BAZ1A: variants seen among roughly 807,000 people sequenced by gnomAD.
BAZ1A encodes the protein bromodomain adjacent to zinc finger domain protein 1A.
In BAZ1A, 50 loss-of-function variants were observed where a neutral mutation model predicts 185.2. The ratio of observed to expected loss-of-function variants is 0.27; its 90% CI spans 0.22 to 0.34. The LOEUF is 0.34. Ranked by LOEUF, BAZ1A falls within the 10% of genes least tolerant of loss-of-function variation. BAZ1A has a pLI of 1.00. For missense variants in BAZ1A, 1,356 were observed against 1,839.9 expected (o/e 0.74, Z 4.81); for synonymous variants, 571 against 615.6 (o/e 0.93, Z 1.07).
chr14:34,761,939 G>A lies in BAZ1A; in HGVS notation c.4061C>T (p.Pro1354Leu), dbSNP rs1355129974. 4 of 1,614,172 alleles carry A rather than the reference G, an allele frequency of 2.5e-6. No homozygotes were observed. Among genetic ancestry groups the A allele is most frequent in the Non-Finnish European group, 3.4e-6 (4 of 1,180,046 alleles). Residue 1354 changes from proline to leucine, a missense_variant, in exon 24 of 27, where the codon CCT becomes CTT. Around this residue, in one of 7 missense-constraint regions of BAZ1A, gnomAD observed 309 missense variants for 355.3 expected, o/e 0.87. Transcript: ENST00000360310. The stretch of plus-strand genomic sequence containing the variant: ...TTTCCTGCCTCTGCGTTTTCTACGA[G>A]GACTAAGCAATTCCACAAATACATC... Reference protein sequence around the residue: ...QADVFVELLSPRRKRRGRKSA... With the variant: ...QADVFVELLSLRRKRRGRKSA...
intron 17 of BAZ1A, among the ~76,000 whole-genome samples, chr14:34,777,651 A>AG (rs373776125): frequency 1.4e-4 from 21 of 151,546 alleles, no homozygotes; most frequent in African/African-American, 4.6e-4. Flanking sequence ...CTCCAAAAAA[A>AG]AAAAAAAAGG....
chr14:34,758,522 G>A, intron 25 of BAZ1A, 182 bp downstream of exon 25: 1 of 514,962 alleles, frequency 1.9e-6, no homozygotes, highest in South Asian at 2.6e-5. Flanking sequence ...AGAGCTTGCA[G>A]TGAGCCGAGA....
chr14:34,782,717 G>A (rs1050624013), intron 16 of BAZ1A, among the ~76,000 whole-genome samples: 2 of 151,990 alleles, frequency 1.3e-5, no homozygotes, highest in African/African-American at 4.8e-5. Flanking sequence ...CATTAAAAAG[G>A]AAAAAAGATG....
chr14:34,842,017 A>G (rs911766843), intron 3 of BAZ1A, among the ~76,000 whole-genome samples: 1 of 152,120 alleles, frequency 6.6e-6, no homozygotes, highest in Non-Finnish European at 1.5e-5. Context: ...AGCACCAATA[A>G]ATATCTAAAA....
At chr14:34,802,668 C>T (rs2275147) in intron 7 of BAZ1A, among the ~76,000 whole-genome samples, 186 bp downstream of exon 7, 15,471 of 152,206 alleles carry the variant, frequency 0.1, 847 homozygotes, top group South Asian at 0.2. Flanking sequence ...TAATTCACAC[C>T]TGAAACTTCT....
At chr14:34,785,582 G>T (rs866152676) in intron 14 of BAZ1A, among the ~76,000 whole-genome samples, 195 bp downstream of exon 14, 3 of 152,052 alleles carry the variant, frequency 2.0e-5, no homozygotes, top group African/African-American at 7.2e-5. Context: ...CTAATCATAC[G>T]TTTAAAAATA....
In BAZ1A at chr14:34,868,898, ATGTG is replaced by A. The variant is rs3062620; in HGVS notation, c.113+5590_113+5593del. 3.2e-3 allele frequency among the ~76,000 whole-genome samples: 306 copies of A among 96,064 alleles called. 1 individual carries two copies. The highest frequency in any genetic ancestry group is 5.7e-3 in the Middle Eastern group (1 of 176). 63.0% of individuals were successfully genotyped at this position (96,064 alleles called of 152,430 possible). ...ATTCTCTCTATGTATGTAAGTATGT[ATGTG>A]TGTGTGTGTGTGTGTGTGTGTGTGT... On this transcript the variant is annotated intron_variant, in intron 2 of 26. Transcript: ENST00000360310.
chr14:34,762,185 A>G lies in BAZ1A; in HGVS notation c.3815T>C (p.Val1272Ala). 9 of 1,614,156 alleles carry G rather than the reference A, an allele frequency of 5.6e-6. No homozygotes were observed. Among genetic ancestry groups the G allele is most frequent in the Non-Finnish European group, 7.6e-6 (9 of 1,180,008 alleles). Residue 1272 changes from valine (V) to alanine (A), a missense_variant, in exon 24 of 27, where the codon GTT becomes GCT. Around this residue, in one of 7 missense-constraint regions of BAZ1A, gnomAD observed 309 missense variants for 355.3 expected, o/e 0.87. Coordinates refer to ENST00000360310, the MANE Select transcript of BAZ1A (RefSeq NM_013448.3). ...KRGRPQVRLP[V>A]KTRGKLSSSF... The stretch of plus-strand genomic sequence containing the variant: ...AGAGCTAAGTTTCCCTCTTGTTTTA[A>G]CTGGCAATCTAACTTGTGGTCTTCC...
intron 3 of BAZ1A, 145 bp downstream of exon 3, chr14:34,861,899 G>T: frequency 1.1e-6 from 1 of 900,972 alleles, no homozygotes. Flanking sequence ...ACAAGAAACA[G>T]CTAACACCGG....
At chr14:34,871,553 G>A (rs1454358379) in intron 2 of BAZ1A, among the ~76,000 whole-genome samples, 1 of 152,226 alleles carries the variant, frequency 6.6e-6, no homozygotes, top group African/African-American at 2.4e-5. Flanking sequence ...CTGTCTCAAA[G>A]AGTTCAGGTT....
intron 6 of BAZ1A, among the ~76,000 whole-genome samples, chr14:34,807,234 T>C (rs1881899643): frequency 6.6e-6 from 1 of 151,724 alleles, no homozygotes; most frequent in South Asian, 2.1e-4. Flanking sequence ...TTGTTGATCT[T>C]TTTTGTAAGT....
chr14:34,783,120 C>T lies in BAZ1A; in HGVS notation c.2110G>A (p.Gly704Arg). ...QRNSTADISI[G>R]EEEREDFDTS... ...TGAACAGTGTGATTCAAACCATACC[C>T]AATAGATATATCTGCCGTTGAATTT... Residue 704 changes from glycine (G) to arginine (R), a missense_variant and splice_region_variant, in exon 16 of 27, where the codon GGG (glycine) becomes AGG (arginine). By Grantham distance (125) the Gly-to-Arg change is moderately radical. Around this residue, in one of 7 missense-constraint regions of BAZ1A, gnomAD observed 434 missense variants for 561.7 expected, o/e 0.77. Transcript: ENST00000360310. The T allele has an allele frequency of 6.3e-7, 1 of 1,585,702 alleles. No individual in the cohort carries two copies. Among genetic ancestry groups the T allele is most frequent in the Non-Finnish European group, 8.7e-7 (1 of 1,155,648 alleles).
rs764052994 is a variant in BAZ1A at position 34,761,884 on chromosome 14, G to A, written c.4116C>T (p.Pro1372=). ...KSANNTPENS[P]NFPNFRVIAT... ...CAATGACTCTGAAGTTAGGGAAGTTGGGACTATTTTCTGGTGTATTATTAG... is the reference window on the plus strand; with the variant it reads ...CAATGACTCTGAAGTTAGGGAAGTTAGGACTATTTTCTGGTGTATTATTAG... Residue 1372 remains proline (P), a synonymous_variant, in exon 24 of 27, where the codon CCC becomes CCT. Coordinates refer to ENST00000360310, the MANE Select transcript of BAZ1A (RefSeq NM_013448.3). 1.1e-5 allele frequency: 17 copies of A among 1,614,062 alleles called. No individual in the cohort carries two copies. Among genetic ancestry groups the A allele is most frequent in the Non-Finnish European group, 1.4e-5 (17 of 1,180,038 alleles).
chr14:34,855,360 TTC>T (rs1464143056), intron 3 of BAZ1A, among the ~76,000 whole-genome samples: 2 of 152,154 alleles, frequency 1.3e-5, no homozygotes, highest in African/African-American at 4.8e-5. Context: ...TGTACCTCAC[TTC>T]CATTTTCTGT....
chr14:34,810,023 C>T (rs886498379), intron 5 of BAZ1A, among the ~76,000 whole-genome samples: 1 of 152,096 alleles, frequency 6.6e-6, no homozygotes, highest in Admixed American at 6.6e-5. Flanking sequence ...ACCAACCAAC[C>T]AACAAACCAC....
Position 34,773,437 on chromosome 14 carries a change from TACAA to T in BAZ1A, c.3152+131_3152+134del, listed in dbSNP as rs1879362947. On this transcript the variant is annotated intron_variant, in intron 20 of 26. Transcript: ENST00000360310. ...TTTAGAAAATGATCAGTCCAATGGTTACAAATATCAAGGTCCTCACGACAAGTTT... is the reference window on the plus strand; with the variant it reads ...TTTAGAAAATGATCAGTCCAATGGTTATATCAAGGTCCTCACGACAAGTTT... 3 of 733,952 alleles carry T rather than the reference TACAA, an allele frequency of 4.1e-6. No individual in the cohort carries two copies. The African/African-American group carries it at 5.6e-5, about 14-fold the overall frequency. 45.5% of individuals were successfully genotyped at this position (733,952 alleles called of 1,614,324 possible). A position where few individuals can be genotyped will look rare whatever the true frequency, so the allele number is the denominator to read the frequency against.
intron 21 of BAZ1A, among the ~76,000 whole-genome samples, chr14:34,766,096 C>T (rs1383135531): frequency 6.6e-6 from 1 of 152,112 alleles, no homozygotes; most frequent in Non-Finnish European, 1.5e-5. Context: ...TGAGTACTGG[C>T]TCCCCCATAT....
chr14:34,843,728 G>A (rs1368190399), intron 3 of BAZ1A, among the ~76,000 whole-genome samples: 1 of 152,098 alleles, frequency 6.6e-6, no homozygotes, highest in Non-Finnish European at 1.5e-5. Flanking sequence ...CCCAAAACTA[G>A]CAAGTCAGTT....
At chr14:34,846,324 T>C (rs2042511366) in intron 3 of BAZ1A, among the ~76,000 whole-genome samples, 1 of 152,122 alleles carries the variant, frequency 6.6e-6, no homozygotes, top group Non-Finnish European at 1.5e-5. Context: ...TGACTGCATA[T>C]GGCATCAGTG....
Sources: allele counts gnomAD v4.1 joint callset (sites outside exome capture counted in the v4.1 genomes callset), GRCh38; gene constraint gnomAD v4.1.1; regional missense constraint gnomAD v4.1.1; transcripts MANE v1.5; gene names NCBI Gene and HGNC (gene_info 2026-07-23, HGNC 2026-07-21).